RBFOX1: variants seen among roughly 807,000 people sequenced by gnomAD.
The protein encoded by RBFOX1 is RNA binding protein fox-1 homolog 1.
Under a neutral mutation model 57.7 loss-of-function variants are expected in RBFOX1, and 8 were observed. The observed-to-expected ratio is 0.14, with a 90% CI of 0.08 to 0.25. The LOEUF (loss-of-function observed/expected upper bound fraction) is 0.25. RBFOX1 is among the 10% of genes least tolerant of loss of function. The probability of loss-of-function intolerance (pLI) is 1.00; values close to 1 mark genes in which losing one functional copy is unlikely to be tolerated. For synonymous variants in RBFOX1, 326 were observed against 222.4 expected, an observed-to-expected ratio of 1.47 and a Z score of -4.15; for missense variants, 611 against 548.5, an observed-to-expected ratio of 1.11 and a Z score of -1.14.
intron 4 of RBFOX1, among the ~76,000 whole-genome samples, chr16:5,975,153 C>G (rs879841602): frequency 2.6e-5 from 4 of 152,110 alleles, no homozygotes; most frequent in Non-Finnish European, 4.4e-5. Flanking sequence ...AATCATGGCA[C>G]ATAATTATGT....
chr16:6,766,025 C>T (rs1355960890), intron 3 of RBFOX1, among the ~76,000 whole-genome samples: 2 of 152,074 alleles, frequency 1.3e-5, no homozygotes, highest in Non-Finnish European at 2.9e-5. Flanking sequence ...CTATTTAGTA[C>T]AACGTACACT....
At chr16:7,510,420 C>A in intron 4 of RBFOX1, 1 of 864,652 alleles carries the variant, frequency 1.2e-6, no homozygotes, top group Non-Finnish European at 1.4e-6. Flanking sequence ...ACGTAGCTTG[C>A]TGCTTGAATC....
At chr16:6,623,351 G>A (rs12932814) in intron 2 of RBFOX1, among the ~76,000 whole-genome samples, 28,188 of 152,084 alleles carry the variant, frequency 0.19, 3,168 homozygotes, top group Non-Finnish European at 0.25. Flanking sequence ...GAGAAGGACA[G>A]TGAAACCCAA....
At chr16:7,035,890 A>T (rs1285297401) in intron 3 of RBFOX1, among the ~76,000 whole-genome samples, 2 of 152,050 alleles carry the variant, frequency 1.3e-5, no homozygotes, top group Non-Finnish European at 1.5e-5. Flanking sequence ...ACAGACACAC[A>T]CACACACACA....
intron 1 of RBFOX1, among the ~76,000 whole-genome samples, chr16:5,444,911 A>G (rs983530375): frequency 1.3e-5 from 2 of 152,206 alleles, no homozygotes; most frequent in African/African-American, 4.8e-5. Flanking sequence ...TTTGCAGCCA[A>G]TGAAAGTGAG....
At chr16:6,751,465 C>T (rs1000989843) in intron 3 of RBFOX1, among the ~76,000 whole-genome samples, 1 of 152,166 alleles carries the variant, frequency 6.6e-6, no homozygotes, top group Non-Finnish European at 1.5e-5. Context: ...AACATCCTGA[C>T]TTCCTATGTC....
chr16:5,556,324 C>G (rs1253057050), intron 2 of RBFOX1, among the ~76,000 whole-genome samples: 3 of 152,272 alleles, frequency 2.0e-5, no homozygotes, highest in Admixed American at 6.5e-5. Context: ...GTGATTGGCT[C>G]TGGTGGGGCC....
Position 5,757,157 on chromosome 16 carries a change from C to T in RBFOX1, c.319-110146C>T, listed in dbSNP as rs76445070. ...CATAGCTGCCAAGCTTGCCCTTGGT[C>T]GATATTCAGCCAGCAGAGGGAGAAA... On this transcript the variant is annotated intron_variant, in intron 3 of 19. Transcript: ENST00000641259. Among the ~76,000 whole-genome samples, 307 of 151,024 alleles carry T rather than the reference C, an allele frequency of 2.0e-3. 14 individuals carry two copies. The East Asian group carries it at 0.057, about 28-fold the overall frequency.
At chr16:6,025,032 TG>T (rs1485763131) in intron 1 of RBFOX1, among the ~76,000 whole-genome samples, 3 of 152,212 alleles carry the variant, frequency 2.0e-5, no homozygotes, top group African/African-American at 7.2e-5. Context: ...TAGGCCCTTG[TG>T]GCCTGGGAAG....
chr16:7,160,653 C>G (rs1199328487), intron 4 of RBFOX1, among the ~76,000 whole-genome samples: 1 of 152,050 alleles, frequency 6.6e-6, no homozygotes, highest in Non-Finnish European at 1.5e-5. Flanking sequence ...CCAGTTATGT[C>G]TTTTTGAGGC....
chr16:5,618,337 T>TG (rs1275897388), intron 3 of RBFOX1, among the ~76,000 whole-genome samples: 49 of 151,922 alleles, frequency 3.2e-4, no homozygotes, highest in Middle Eastern at 3.4e-3. Context: ...AGATTTTTTT[T>TG]TTTTGTGTGT....
chr16:5,980,030 A>G (rs1436133332), intron 4 of RBFOX1, among the ~76,000 whole-genome samples: 1 of 152,170 alleles, frequency 6.6e-6, no homozygotes, highest in Non-Finnish European at 1.5e-5. Flanking sequence ...ATTTGATCCA[A>G]GGGTTCCTGA....
intron 3 of RBFOX1, among the ~76,000 whole-genome samples, chr16:6,901,772 A>G (rs890141249): frequency 6.6e-6 from 1 of 152,188 alleles, no homozygotes; most frequent in Non-Finnish European, 1.5e-5. Flanking sequence ...TAACACTCAT[A>G]GATGAGATGG....
At chr16:6,527,027 C>T (rs1318464978) in intron 2 of RBFOX1, among the ~76,000 whole-genome samples, 1 of 151,860 alleles carries the variant, frequency 6.6e-6, no homozygotes, top group African/African-American at 2.4e-5. Context: ...TGCTTTTAAA[C>T]GTTATTATTA....
chr16:6,022,043 A>G lies in RBFOX1; in HGVS notation c.-127+2051A>G, dbSNP rs568914872. On this transcript the variant is annotated intron_variant, in intron 1 of 15. Transcript: ENST00000550418. ...TTTTAAGTAAGGAACAGAAGCCTCA[A>G]GCTCTCCCATTCTGCTCTCTGCATG... Among the ~76,000 whole-genome samples the G allele has an allele frequency of 2.0e-5, 3 of 152,270 alleles. No homozygotes were observed. The South Asian group carries it at 6.2e-4, about 32-fold the overall frequency.
At chr16:5,550,329 G>T (rs905629346) in intron 2 of RBFOX1, among the ~76,000 whole-genome samples, 2 of 152,088 alleles carry the variant, frequency 1.3e-5, no homozygotes, top group Admixed American at 1.3e-4. Context: ...ATGTTTCCCT[G>T]TCTTACCCAC....
intron 1 of RBFOX1, among the ~76,000 whole-genome samples, chr16:5,330,930 A>G (rs558782651): frequency 1.3e-5 from 2 of 152,140 alleles, no homozygotes; most frequent in African/African-American, 4.8e-5. Context: ...TTCCCTTCTC[A>G]GAACAGGGAT....
intron 2 of RBFOX1, among the ~76,000 whole-genome samples, chr16:6,535,922 G>A (rs1463383680): frequency 6.6e-6 from 1 of 152,126 alleles, no homozygotes; most frequent in African/African-American, 2.4e-5. Flanking sequence ...TCCCTCTAGA[G>A]ATGACACTGA....
At chr16:7,424,461 C>T (rs1424616993) in intron 4 of RBFOX1, among the ~76,000 whole-genome samples, 1 of 152,074 alleles carries the variant, frequency 6.6e-6, no homozygotes, top group African/African-American at 2.4e-5. Flanking sequence ...GGTTGCGCCA[C>T]GTTGGCCAGG....
Sources: allele counts gnomAD v4.1 joint callset (sites outside exome capture counted in the v4.1 genomes callset), GRCh38; gene constraint gnomAD v4.1.1; transcripts MANE v1.5; gene names NCBI Gene and HGNC (gene_info 2026-07-23, HGNC 2026-07-21).